The following UNC5D variants were observed in gnomAD, a reference collection of about 807,000 sequenced individuals.
UNC5D encodes netrin receptor UNC5D.
UNC5D carries 39 observed loss-of-function variants against 105.4 expected under a neutral mutation model. That is an observed-to-expected ratio of 0.37 (90% CI 0.29 to 0.48). UNC5D has a LOEUF of 0.48. Ranked by LOEUF, UNC5D falls within the 20% of genes least tolerant of loss-of-function variation. The probability of loss-of-function intolerance (pLI) is 0.98; values close to 1 mark genes in which losing one functional copy is unlikely to be tolerated. For synonymous variants in UNC5D, 452 were observed against 450.4 expected (o/e 1.00, Z -0.04); for missense variants, 991 against 1,202.4 (o/e 0.82, Z 2.60).
At chr8:35,263,408 G>T (rs373537155) in intron 1 of UNC5D, among the ~76,000 whole-genome samples, 1 of 151,992 alleles carries the variant, frequency 6.6e-6, no homozygotes, top group Non-Finnish European at 1.5e-5. Flanking sequence ...TTAATTAAAA[G>T]CATTTTTTTT....
intron 3 of UNC5D, among the ~76,000 whole-genome samples, chr8:35,573,046 G>A (rs1438690664): frequency 2.0e-5 from 3 of 152,022 alleles, no homozygotes; most frequent in Non-Finnish European, 2.9e-5. Context: ...CTCGTGATCC[G>A]CCTGCATCAG....
chr8:35,263,928 T>C (rs1804656921), intron 1 of UNC5D, among the ~76,000 whole-genome samples: 1 of 152,228 alleles, frequency 6.6e-6, no homozygotes, highest in South Asian at 2.1e-4. Flanking sequence ...TATAAAATTG[T>C]CACAAGTTTA....
chr8:35,643,274 C>T (rs985192490), intron 4 of UNC5D, among the ~76,000 whole-genome samples: 5 of 152,150 alleles, frequency 3.3e-5, no homozygotes, highest in African/African-American at 7.2e-5. Flanking sequence ...AGGAAAAAGT[C>T]GCCCTTGGTT....
chr8:35,423,836 A>G (rs1806070181), intron 1 of UNC5D, among the ~76,000 whole-genome samples: 1 of 151,592 alleles, frequency 6.6e-6, no homozygotes, highest in Non-Finnish European at 1.5e-5. Flanking sequence ...AAACTGGAAG[A>G]TGTTAATAAG....
chr8:35,732,709 A>T (rs1429226414), intron 11 of UNC5D, among the ~76,000 whole-genome samples: 2 of 151,610 alleles, frequency 1.3e-5, no homozygotes, highest in African/African-American at 4.9e-5. Flanking sequence ...CTTCCTACAC[A>T]CTCCTAGCTC....
At chr8:35,442,575 G>A (rs1004627451) in intron 1 of UNC5D, among the ~76,000 whole-genome samples, 1 of 151,894 alleles carries the variant, frequency 6.6e-6, no homozygotes, top group African/African-American at 2.4e-5. Context: ...CACCTCAAAT[G>A]TCCGGTCTTT....
At chr8:35,369,702 C>A (rs933653263) in intron 1 of UNC5D, among the ~76,000 whole-genome samples, 1 of 152,078 alleles carries the variant, frequency 6.6e-6, no homozygotes, top group African/African-American at 2.4e-5. Context: ...ATGATGGTGG[C>A]TGTGGAATGA....
At chr8:35,591,628 A>G (rs373351197) in intron 3 of UNC5D, among the ~76,000 whole-genome samples, 3 of 151,962 alleles carry the variant, frequency 2.0e-5, no homozygotes, top group African/African-American at 7.3e-5. Flanking sequence ...CCACTTTGTC[A>G]TTCATTTCAT....
chr8:35,426,414 C>G (rs1235655192), intron 1 of UNC5D, among the ~76,000 whole-genome samples: 1 of 152,174 alleles, frequency 6.6e-6, no homozygotes, highest in South Asian at 2.1e-4. Flanking sequence ...GTTTTCTCCT[C>G]TCTTCTGAAT....
intron 1 of UNC5D, among the ~76,000 whole-genome samples, chr8:35,420,742 CTT>C (rs11463747): frequency 2.7e-5 from 4 of 148,924 alleles, no homozygotes; most frequent in African/African-American, 9.9e-5. Context: ...ATACCATGGG[CTT>C]TTTTTTTTGT....
Position 35,790,588 on chromosome 8 carries a change from T to C in UNC5D, c.*25T>C. Reference sequence around the variant, plus strand: ...GTCCACTTCCTCCCATGAGACAGAGTGATGGCCAGCTTGGGGACATTTGCT... The same window carrying C: ...GTCCACTTCCTCCCATGAGACAGAGCGATGGCCAGCTTGGGGACATTTGCT... On this transcript the variant is annotated 3_prime_UTR_variant, in exon 17 of 17. Coordinates refer to ENST00000404895, the MANE Select transcript of UNC5D (RefSeq NM_080872.4). 6.2e-7 allele frequency: 1 copy of C among 1,612,616 alleles called. No homozygotes were observed. Among genetic ancestry groups the C allele is most frequent in the Non-Finnish European group, 8.5e-7 (1 of 1,179,294 alleles).
rs542599464 is a variant in UNC5D at position 35,605,974 on chromosome 8, C to CTT, written c.570+10325_570+10326dup. Reference sequence around the variant, plus strand: ...CTCCTGTACCTTCCCCCTCAGTTTCCTTTTTTTTTATTTATTTTTTATTTT... The same window carrying CTT: ...CTCCTGTACCTTCCCCCTCAGTTTCCTTTTTTTTTTTATTTATTTTTTATTTT... On this transcript the variant is annotated intron_variant, in intron 4 of 16. Coordinates refer to ENST00000404895, the MANE Select transcript of UNC5D (RefSeq NM_080872.4). 6.2e-3 allele frequency among the ~76,000 whole-genome samples: 927 copies of CTT among 150,550 alleles called. 4 individuals carry two copies. The highest frequency in any genetic ancestry group is 0.022 in the African/African-American group (895 of 41,048).
chr8:35,538,435 A>G (rs1341902459), intron 1 of UNC5D, among the ~76,000 whole-genome samples: 2 of 135,268 alleles, frequency 1.5e-5, no homozygotes, highest in African/African-American at 2.7e-5. Context: ...ATATATATAT[A>G]TATATGAATT....
intron 1 of UNC5D, among the ~76,000 whole-genome samples, chr8:35,429,240 T>C (rs1806460865): frequency 6.6e-6 from 1 of 152,130 alleles, no homozygotes; most frequent in Non-Finnish European, 1.5e-5. Flanking sequence ...TTTTAAGAGG[T>C]CAGGAAGTGT....
At chr8:35,246,936 A>G (rs1585402380) in intron 1 of UNC5D, among the ~76,000 whole-genome samples, 2 of 152,152 alleles carry the variant, frequency 1.3e-5, no homozygotes, top group Non-Finnish European at 2.9e-5. Flanking sequence ...AAACAATCAT[A>G]AAATTACATT....
At chr8:35,347,492 G>A (rs1019605767) in intron 1 of UNC5D, among the ~76,000 whole-genome samples, 4 of 151,886 alleles carry the variant, frequency 2.6e-5, no homozygotes, top group East Asian at 1.9e-4. Context: ...AGTTCCCCTC[G>A]GAATATCAAT....
intron 3 of UNC5D, among the ~76,000 whole-genome samples, chr8:35,571,090 G>GT (rs1447101143): frequency 1.3e-5 from 2 of 152,114 alleles, no homozygotes; most frequent in Non-Finnish European, 2.9e-5. Context: ...GCCTCAAGCA[G>GT]TTTTTTCTCC....
intron 1 of UNC5D, among the ~76,000 whole-genome samples, chr8:35,238,765 C>T (rs548701827): frequency 5.9e-5 from 9 of 152,272 alleles, no homozygotes; most frequent in African/African-American, 2.2e-4. Flanking sequence ...ATTTTGATTG[C>T]AATAACTAGA....
intron 4 of UNC5D, among the ~76,000 whole-genome samples, chr8:35,676,654 A>G (rs1825244939): frequency 6.6e-6 from 1 of 152,238 alleles, no homozygotes; most frequent in Admixed American, 6.5e-5. Flanking sequence ...TACCTGCAGA[A>G]TATTGGATAT....
Sources: gnomAD v4.1 joint callset for allele counts (sites outside exome capture counted in the v4.1 genomes callset) on GRCh38, gnomAD v4.1.1 for gene constraint, MANE v1.5 for transcripts, NCBI Gene and HGNC (gene_info 2026-07-23, HGNC 2026-07-21) for gene names.